The following MAP3K14 variants were observed in gnomAD, a reference collection of about 807,000 sequenced individuals.
MAP3K14 encodes NF-kappa-beta-inducing kinase.
Under a neutral mutation model 99.2 loss-of-function variants are expected in MAP3K14, and 16 were observed. The ratio of observed to expected loss-of-function variants is 0.16; its 90% CI spans 0.11 to 0.24. The LOEUF (loss-of-function observed/expected upper bound fraction) is 0.24, where lower values mean the gene tolerates loss of function less well. MAP3K14 is among the 10% of genes least tolerant of loss of function. The pLI is 1.00. For missense variants in MAP3K14, 784 were observed against 1,208.7 expected (o/e 0.65, Z 5.21); for synonymous variants, 462 against 492.4 (o/e 0.94, Z 0.82).
At chr17:45,264,887 C>A in intron 15 of MAP3K14, 87 bp from the exon 16 acceptor site, 1 of 1,413,400 alleles carries the variant, frequency 7.1e-7, no homozygotes. Flanking sequence ...TCCAGCCAGA[C>A]CGGCAGCCCT....
intron 1 of MAP3K14, among the ~76,000 whole-genome samples, chr17:45,310,201 C>T (rs2044463206): frequency 6.6e-6 from 1 of 151,756 alleles, no homozygotes; most frequent in African/African-American, 2.4e-5. Context: ...GCCCAGCTAA[C>T]TTTTTTGTAT....
intron 1 of MAP3K14, among the ~76,000 whole-genome samples, chr17:45,308,744 T>C (rs541325990): frequency 6.6e-6 from 1 of 152,058 alleles, no homozygotes; most frequent in African/African-American, 2.4e-5. Context: ...CATGGCTCAT[T>C]GCAACCTCTG....
At chr17:45,271,566 G>A (rs1016256439) in intron 9 of MAP3K14, among the ~76,000 whole-genome samples, 12 of 152,204 alleles carry the variant, frequency 7.9e-5, no homozygotes, top group Admixed American at 3.9e-4. Context: ...GGCTGGTCTC[G>A]AACTCCTGAC....
At chr17:45,289,165 G>A in intron 3 of MAP3K14, 71 bp downstream of exon 3, 1 of 1,423,066 alleles carries the variant, frequency 7.0e-7, no homozygotes, top group Non-Finnish European at 9.9e-7. Flanking sequence ...GAGCGGCCCA[G>A]GCAAGTGCTG....
At chr17:45,289,078 C>T (rs1450506969) in intron 3 of MAP3K14, among the ~76,000 whole-genome samples, 158 bp downstream of exon 3, 3 of 152,134 alleles carry the variant, frequency 2.0e-5, no homozygotes, top group African/African-American at 4.8e-5. Context: ...GCTGAGAGAG[C>T]GGCTCAGCCA....
intron 3 of MAP3K14, among the ~76,000 whole-genome samples, chr17:45,288,118 C>A (rs2044282012): frequency 6.6e-6 from 1 of 152,230 alleles, no homozygotes. Context: ...ATGGAGAAGG[C>A]AGACTCATGG....
chr17:45,288,072 C>T (rs547863664), intron 3 of MAP3K14, among the ~76,000 whole-genome samples: 25 of 152,222 alleles, frequency 1.6e-4, no homozygotes, highest in Non-Finnish European at 3.5e-4. Context: ...AGATCATGGC[C>T]TCAGCCACCC....
chr17:45,290,466 C>T (rs1416988125), intron 2 of MAP3K14, 24 bp downstream of exon 2: 1 of 1,612,516 alleles, frequency 6.2e-7, no homozygotes, highest in African/African-American at 1.3e-5. Context: ...CTGCCCCGTG[C>T]CCACAACAAC....
At chr17:45,312,692 C>T (rs752032155) in intron 1 of MAP3K14, among the ~76,000 whole-genome samples, 4 of 152,158 alleles carry the variant, frequency 2.6e-5, no homozygotes, top group South Asian at 2.1e-4. Context: ...AAGAAACACA[C>T]GTCACCATTC....
intron 13 of MAP3K14, among the ~76,000 whole-genome samples, 153 bp from the exon 14 acceptor site, chr17:45,266,834 A>G (rs1046510709): frequency 7.9e-5 from 12 of 152,040 alleles, no homozygotes; most frequent in Admixed American, 6.6e-4. Context: ...CTGCCTCCCC[A>G]TTATCTCTGG....
rs1424736541 is a variant in MAP3K14 at position 45,270,295 on chromosome 17, T to C, written c.1972+118A>G. 5 of 1,281,152 alleles carry C rather than the reference T, an allele frequency of 3.9e-6. No individual in the cohort carries two copies. The East Asian group carries it at 8.5e-5, about 22-fold the overall frequency. 79.4% of individuals were successfully genotyped at this position (1,281,152 alleles called of 1,614,324 possible). A position where few individuals can be genotyped will look rare whatever the true frequency, so the allele number is the denominator to read the frequency against. On this transcript the variant is annotated intron_variant, in intron 11 of 15. Transcript: ENST00000344686. Reference sequence around the variant, plus strand: ...CCCTGAGGCTGCTGCACCCCCATAATCCAGAGGGGGAAACTAAGGCTCTGA... The same window carrying C: ...CCCTGAGGCTGCTGCACCCCCATAACCCAGAGGGGGAAACTAAGGCTCTGA...
chr17:45,279,382 C>T (rs952464258), intron 6 of MAP3K14, among the ~76,000 whole-genome samples: 13 of 152,138 alleles, frequency 8.5e-5, no homozygotes, highest in African/African-American at 2.9e-4. Flanking sequence ...CCGCCTCGGC[C>T]TCTCAAAGTG....
Position 45,264,414 on chromosome 17 carries a change from C to G in MAP3K14, c.*222G>C, listed in dbSNP as rs545880365. 3 of 545,932 alleles carry G rather than the reference C, an allele frequency of 5.5e-6. No homozygotes were observed. The highest frequency in any genetic ancestry group is 9.7e-6 in the Non-Finnish European group (3 of 308,620). 33.8% of individuals were successfully genotyped at this position (545,932 alleles called of 1,614,324 possible). A position where few individuals can be genotyped will look rare whatever the true frequency, so the allele number is the denominator to read the frequency against. ...CCTGCCATCCTCCTCTGTCTCTTCACGTGGCGGAGTGTTTTCTCAGCAGGG... is the reference window on the plus strand; with the variant it reads ...CCTGCCATCCTCCTCTGTCTCTTCAGGTGGCGGAGTGTTTTCTCAGCAGGG... On this transcript the variant is annotated 3_prime_UTR_variant, in exon 16 of 16. Transcript: ENST00000344686.
chr17:45,294,506 C>G (rs1018611941), intron 1 of MAP3K14, among the ~76,000 whole-genome samples: 2 of 152,220 alleles, frequency 1.3e-5, no homozygotes, highest in Non-Finnish European at 2.9e-5. Flanking sequence ...AACAGATTCT[C>G]CAAGGATCTG....
At chr17:45,281,327 G>A (rs1567992650) in intron 6 of MAP3K14, among the ~76,000 whole-genome samples, 3 of 149,988 alleles carry the variant, frequency 2.0e-5, no homozygotes, top group South Asian at 4.2e-4. Context: ...TATAAGTGCC[G>A]CACCGCCTGA....
intron 8 of MAP3K14, chr17:45,273,824 A>G (rs2044158660): frequency 3.0e-6 from 2 of 660,358 alleles, no homozygotes; most frequent in Non-Finnish European, 5.6e-6. Flanking sequence ...AAGGGACAGG[A>G]GCAGGGTTTA....
Position 45,274,145 on chromosome 17 carries a change from C to A in MAP3K14, c.1530G>T (p.Arg510Ser). 10 of 1,608,648 alleles carry A rather than the reference C, an allele frequency of 6.2e-6. No homozygotes were observed. The highest frequency in any genetic ancestry group is 8.5e-6 in the Non-Finnish European group (10 of 1,177,528). Reference sequence around the variant, plus strand: ...TACCTTTGACGTCCCCATGCAGAATCCTTCGTGAGTGGAGGTATTCCAGAC... The same window carrying A: ...TACCTTTGACGTCCCCATGCAGAATACTTCGTGAGTGGAGGTATTCCAGAC... ...LEGLEYLHSRRILHGDVKADN... is the reference protein window; with the variant it reads ...LEGLEYLHSRSILHGDVKADN... The change falls in exon 8 of 16, where the codon AGG becomes AGT. Residue 510 changes from arginine to serine, a missense_variant. Transcript: ENST00000344686.
intron 1 of MAP3K14, among the ~76,000 whole-genome samples, chr17:45,311,263 G>A (rs2044476304): frequency 6.6e-6 from 1 of 152,232 alleles, no homozygotes; most frequent in Non-Finnish European, 1.5e-5. Flanking sequence ...AGCCATGCCA[G>A]CAGGAGGTGA....
At chr17:45,276,573 G>A (rs968425602) in intron 6 of MAP3K14, among the ~76,000 whole-genome samples, 5 of 151,752 alleles carry the variant, frequency 3.3e-5, no homozygotes, top group Non-Finnish European at 7.4e-5. Flanking sequence ...GTGCAGTGGC[G>A]CAATCTCAGC....
Sources: allele counts gnomAD v4.1 joint callset (sites outside exome capture counted in the v4.1 genomes callset), GRCh38; gene constraint gnomAD v4.1.1; transcripts MANE v1.5; gene names NCBI Gene and HGNC (gene_info 2026-07-23, HGNC 2026-07-21).